The following KCNIP4 variants were observed in gnomAD, a reference collection of about 807,000 sequenced individuals.
The protein encoded by KCNIP4 is potassium voltage-gated channel interacting protein 4, also known as Kv channel-interacting protein 4.
A neutral mutation model predicts 34.0 loss-of-function variants in KCNIP4; 12 were observed. The ratio of observed to expected loss-of-function variants is 0.35; its 90% CI spans 0.23 to 0.57. KCNIP4 has a LOEUF of 0.57. KCNIP4 is among the 20% of genes least tolerant of loss of function. KCNIP4 has a pLI of 0.83. For missense variants in KCNIP4, 238 were observed against 311.7 expected (o/e 0.76, Z 1.78); for synonymous variants, 124 against 102.2 (o/e 1.21, Z -1.29).
chr4:20,968,960 C>A (rs1197158287), intron 1 of KCNIP4, among the ~76,000 whole-genome samples: 2 of 152,066 alleles, frequency 1.3e-5, no homozygotes, highest in African/African-American at 4.8e-5. Flanking sequence ...AGAGATATTA[C>A]TCTCTCTACT....
intron 1 of KCNIP4, among the ~76,000 whole-genome samples, chr4:20,952,032 T>C (rs1732840374): frequency 6.6e-6 from 1 of 152,192 alleles, no homozygotes; most frequent in South Asian, 2.1e-4. Flanking sequence ...GGGTACGCAG[T>C]AAATATAAGT....
chr4:21,181,040 C>T (rs1754800464), intron 1 of KCNIP4, among the ~76,000 whole-genome samples: 1 of 152,006 alleles, frequency 6.6e-6, no homozygotes, highest in Admixed American at 6.6e-5. Flanking sequence ...TTTCAAATAC[C>T]AAGAACAGAA....
chr4:21,668,580 C>G (rs1749212187), intron 1 of KCNIP4, among the ~76,000 whole-genome samples: 1 of 152,062 alleles, frequency 6.6e-6, no homozygotes. Context: ...GCTGCCCTCA[C>G]TAAAATTATT....
intron 1 of KCNIP4, among the ~76,000 whole-genome samples, chr4:21,483,768 C>T (rs77477633): frequency 0.014 from 2,051 of 151,294 alleles, 67 homozygotes; most frequent in East Asian, 0.12. Flanking sequence ...CCAGCCTGGG[C>T]GAAAGAGACA....
chr4:21,773,750 T>TTTG (rs535061494), intron 1 of KCNIP4, among the ~76,000 whole-genome samples: 16 of 81,448 alleles, frequency 2.0e-4, no homozygotes, highest in South Asian at 8.5e-4. Flanking sequence ...TTGTTGTTTT[T>TTTG]TTTTTTTTGT....
intron 1 of KCNIP4, among the ~76,000 whole-genome samples, chr4:20,971,411 T>G (rs1320868437): frequency 6.6e-6 from 1 of 152,070 alleles, no homozygotes; most frequent in Non-Finnish European, 1.5e-5. Flanking sequence ...CAGCCATACC[T>G]CAAAGATCAT....
intron 2 of KCNIP4, among the ~76,000 whole-genome samples, chr4:20,859,693 A>C (rs1194194719): frequency 6.6e-6 from 1 of 152,122 alleles, no homozygotes; most frequent in African/African-American, 2.4e-5. Context: ...ACTTCTCTTA[A>C]AATACAGTAG....
chr4:20,825,306 C>T (rs1239226515), intron 3 of KCNIP4, among the ~76,000 whole-genome samples: 1 of 134,412 alleles, frequency 7.4e-6, no homozygotes, highest in East Asian at 2.3e-4. Flanking sequence ...TGTATGGAGA[C>T]AATTAGAACA....
In KCNIP4 at chr4:21,200,704, TG is replaced by T. The variant is rs1435314292; in HGVS notation, c.62-317996del. 5.9e-5 allele frequency among the ~76,000 whole-genome samples: 9 copies of T among 152,026 alleles called. No individual in the cohort carries two copies. The East Asian group carries it at 1.7e-3, about 29-fold the overall frequency. On this transcript the variant is annotated intron_variant, in intron 1 of 8. Coordinates refer to ENST00000382152, the MANE Select transcript of KCNIP4 (RefSeq NM_025221.6). ...TTGGGTACGAGGTAGGCTACTCTGGTGATGCGTACATTAAAATTTCAGACTT... is the reference window on the plus strand; with the variant it reads ...TTGGGTACGAGGTAGGCTACTCTGGTATGCGTACATTAAAATTTCAGACTT...
intron 1 of KCNIP4, among the ~76,000 whole-genome samples, chr4:21,680,365 A>T (rs966195705): frequency 1.3e-5 from 2 of 152,142 alleles, no homozygotes; most frequent in Non-Finnish European, 2.9e-5. Context: ...TGCTATTTCC[A>T]TCACATCTCC....
chr4:21,008,220 G>A (rs922566434), intron 1 of KCNIP4, among the ~76,000 whole-genome samples: 6 of 152,146 alleles, frequency 3.9e-5, no homozygotes, highest in East Asian at 3.9e-4. Context: ...AGAATCCACC[G>A]GAGAACTGCA....
chr4:21,724,775 G>T (rs974927938), intron 1 of KCNIP4, among the ~76,000 whole-genome samples: 1 of 151,976 alleles, frequency 6.6e-6, no homozygotes, highest in African/African-American at 2.4e-5. Context: ...AGACTGAAAG[G>T]TTCCATTAAA....
intron 3 of KCNIP4, among the ~76,000 whole-genome samples, chr4:20,800,184 T>C (rs1290184626): frequency 6.6e-6 from 1 of 152,164 alleles, no homozygotes; most frequent in African/African-American, 2.4e-5. Context: ...CTGACACTGA[T>C]CACAATTGAA....
At chr4:21,167,303 T>C (rs1344659630) in intron 1 of KCNIP4, among the ~76,000 whole-genome samples, 2 of 152,194 alleles carry the variant, frequency 1.3e-5, no homozygotes, top group East Asian at 1.9e-4. Context: ...TCTATACATA[T>C]ACCAAAACTT....
chr4:21,890,429 A>C (rs1444229722), intron 1 of KCNIP4, among the ~76,000 whole-genome samples: 2 of 152,182 alleles, frequency 1.3e-5, no homozygotes, highest in African/African-American at 4.8e-5. Flanking sequence ...TGTTCTTCAT[A>C]GAAATAACAG....
intron 4 of KCNIP4, among the ~76,000 whole-genome samples, chr4:20,757,286 C>T (rs1754559237): frequency 6.6e-6 from 1 of 152,214 alleles, no homozygotes; most frequent in South Asian, 2.1e-4. Flanking sequence ...TATTTAAAGA[C>T]CTTATTGTTT....
intron 1 of KCNIP4, among the ~76,000 whole-genome samples, chr4:21,186,277 A>G (rs2109335687): frequency 6.6e-6 from 1 of 152,324 alleles, no homozygotes; most frequent in Non-Finnish European, 1.5e-5. Flanking sequence ...AGAAGTATGT[A>G]CTTTTCAAAG....
intron 1 of KCNIP4, chr4:21,729,704 T>C (rs1372116964): frequency 7.4e-5 from 11 of 148,442 alleles, no homozygotes; most frequent in African/African-American, 2.8e-4. Context: ...AACAGAACTC[T>C]GCAAATTTTA....
chr4:20,959,330 G>A lies in KCNIP4; in HGVS notation c.62-76621C>T, dbSNP rs1256191545. Reference sequence around the variant, plus strand: ...TGCTACCCTATAATGTACTTAGACAGCATTTAACTTGCTATGGTTTCAGAC... The same window carrying A: ...TGCTACCCTATAATGTACTTAGACAACATTTAACTTGCTATGGTTTCAGAC... On this transcript the variant is annotated intron_variant, in intron 1 of 8. Transcript: ENST00000382152. 2.6e-5 allele frequency among the ~76,000 whole-genome samples: 4 copies of A among 152,302 alleles called. No individual in the cohort carries two copies. The East Asian group carries it at 5.8e-4, about 22-fold the overall frequency.
Sources: allele counts gnomAD v4.1 joint callset (sites outside exome capture counted in the v4.1 genomes callset), GRCh38; gene constraint gnomAD v4.1.1; transcripts MANE v1.5; gene names NCBI Gene and HGNC (gene_info 2026-07-23, HGNC 2026-07-21).